The following CCDC192 variants were observed in gnomAD, a reference collection of about 807,000 sequenced individuals.
CCDC192 encodes the protein coiled-coil domain containing 192.
intron 6 of CCDC192, among the ~76,000 whole-genome samples, chr5:127,929,510 G>C (rs1486806316): frequency 1.3e-5 from 2 of 152,228 alleles, no homozygotes; most frequent in Non-Finnish European, 2.9e-5. Context: ...TTGCATTCAA[G>C]TGTCCTGTCA....
chr5:127,800,343 A>G (rs1027119480), intron 5 of CCDC192, among the ~76,000 whole-genome samples: 4 of 148,962 alleles, frequency 2.7e-5, no homozygotes, highest in African/African-American at 7.5e-5. Context: ...TGTCCCTGAA[A>G]AAAACATTCC....
At chr5:127,862,928 TAAA>T (rs34046354) in intron 5 of CCDC192, among the ~76,000 whole-genome samples, 3,158 of 134,272 alleles carry the variant, frequency 0.024, 110 homozygotes, top group African/African-American at 0.074. Flanking sequence ...TTCCTTTATT[TAAA>T]AAAAAAAAAA....
intron 2 of CCDC192, among the ~76,000 whole-genome samples, chr5:127,719,716 A>G (rs1420057945): frequency 1.3e-5 from 2 of 151,048 alleles, no homozygotes; most frequent in African/African-American, 4.9e-5. Flanking sequence ...GAACTGGCTC[A>G]GGGTTCTGCT....
intron 6 of CCDC192, among the ~76,000 whole-genome samples, chr5:127,895,001 T>A (rs1459452706): frequency 6.6e-6 from 1 of 152,198 alleles, no homozygotes; most frequent in East Asian, 1.9e-4. Flanking sequence ...CCCTGCAACT[T>A]TTATTTTGAG....
At chr5:127,727,230 G>C (rs948321528) in intron 2 of CCDC192, among the ~76,000 whole-genome samples, 2 of 152,254 alleles carry the variant, frequency 1.3e-5, no homozygotes, top group East Asian at 3.9e-4. Context: ...CCAACACTTT[G>C]GGAGGCCACG....
At chr5:127,760,516 C>A (rs1030992377) in intron 3 of CCDC192, among the ~76,000 whole-genome samples, 7 of 151,404 alleles carry the variant, frequency 4.6e-5, no homozygotes, top group African/African-American at 7.3e-5. Context: ...CGCTTTAGTA[C>A]CAGATGCTAA....
chr5:127,907,393 C>G (rs1580815101), intron 6 of CCDC192, among the ~76,000 whole-genome samples: 1 of 152,046 alleles, frequency 6.6e-6, no homozygotes, highest in African/African-American at 2.4e-5. Context: ...AAGTAATTTA[C>G]ATTGAAAACA....
At chr5:127,924,988 T>C (rs1753825424) in intron 6 of CCDC192, among the ~76,000 whole-genome samples, 1 of 152,226 alleles carries the variant, frequency 6.6e-6, no homozygotes. Context: ...AATTATATTA[T>C]TTTTCTATTT....
chr5:127,865,007 C>T (rs988913270), intron 5 of CCDC192, among the ~76,000 whole-genome samples: 3 of 152,010 alleles, frequency 2.0e-5, no homozygotes, highest in African/African-American at 7.2e-5. Context: ...ATTGGCCAGG[C>T]GTGGTGGCAC....
chr5:127,897,034 T>C (rs1420053759), intron 6 of CCDC192, among the ~76,000 whole-genome samples: 2 of 151,894 alleles, frequency 1.3e-5, no homozygotes, highest in Non-Finnish European at 2.9e-5. Context: ...GGTCAACTTT[T>C]GTATTTCTTC....
intron 6 of CCDC192, among the ~76,000 whole-genome samples, chr5:127,921,429 AC>A (rs1753718548): frequency 1.3e-5 from 2 of 152,298 alleles, no homozygotes; most frequent in South Asian, 4.1e-4. Flanking sequence ...AGAATTTAGC[AC>A]TTACCATGTA....
At chr5:127,730,895 A>G (rs1752604403) in intron 2 of CCDC192, among the ~76,000 whole-genome samples, 1 of 152,206 alleles carries the variant, frequency 6.6e-6, no homozygotes, top group Admixed American at 6.5e-5. Flanking sequence ...TTTATGACAA[A>G]TCCACAGCCA....
At chr5:127,719,827 GA>G (rs1751903480) in intron 2 of CCDC192, among the ~76,000 whole-genome samples, 1 of 55,658 alleles carries the variant, frequency 1.8e-5, no homozygotes, top group South Asian at 6.1e-4. Flanking sequence ...CAGATCAGAG[GA>G]AGGGGCGGGG....
intron 1 of CCDC192, among the ~76,000 whole-genome samples, chr5:127,704,773 T>C (rs1750864974): frequency 6.6e-6 from 1 of 151,484 alleles, no homozygotes; most frequent in Non-Finnish European, 1.5e-5. Flanking sequence ...AGATAACATA[T>C]CTCCCCAGTA....
intron 6 of CCDC192, among the ~76,000 whole-genome samples, chr5:127,885,516 T>C (rs1752529262): frequency 6.6e-6 from 1 of 152,208 alleles, no homozygotes; most frequent in African/African-American, 2.4e-5. Context: ...AAAAAGTGAA[T>C]GGTATTCTCT....
At chr5:127,888,115 T>A (rs373421531) in intron 6 of CCDC192, among the ~76,000 whole-genome samples, 2 of 152,028 alleles carry the variant, frequency 1.3e-5, no homozygotes, top group Non-Finnish European at 2.9e-5. Context: ...ATCGTATTGT[T>A]AGATCTAAAA....
At chr5:127,818,867 G>C (rs556480262) in intron 5 of CCDC192, among the ~76,000 whole-genome samples, 8 of 152,302 alleles carry the variant, frequency 5.3e-5, no homozygotes, top group Admixed American at 3.3e-4. Flanking sequence ...GCTGGCTACA[G>C]CCATTGGAAG....
rs147961044 is a variant in CCDC192, at chr5:127,881,763, T to A, written c.535+6102T>A. Among the ~76,000 whole-genome samples the A allele has an allele frequency of 3.9e-3, 595 of 152,336 alleles. 5 individuals are homozygous for A. Among genetic ancestry groups the A allele is most frequent in the African/African-American group, 0.013 (557 of 41,572 alleles). ...ACAGCCTGAGTGTTGTTTGTTGATT[T>A]TACTTTGTTCAAATAATCACAACCC... On this transcript the variant is annotated intron_variant, in intron 6 of 6. Transcript: ENST00000514853.
intron 3 of CCDC192, among the ~76,000 whole-genome samples, chr5:127,777,897 CTT>C (rs34221635): frequency 2.8e-5 from 4 of 144,522 alleles, no homozygotes; most frequent in African/African-American, 7.6e-5. Flanking sequence ...ATGAAACCTC[CTT>C]TTTTTTTTTT....
Sources: allele counts gnomAD v4.1 joint callset (sites outside exome capture counted in the v4.1 genomes callset), GRCh38; gene constraint gnomAD v4.1.1; transcripts MANE v1.5; gene names NCBI Gene and HGNC (gene_info 2026-07-23, HGNC 2026-07-21).